Variants in MAP3K1 observed in about 807,000 individuals in gnomAD.
MAP3K1 encodes MAP/ERK kinase kinase 1.
A neutral mutation model predicts 144.2 loss-of-function variants in MAP3K1; 36 were observed. The observed-to-expected ratio is 0.25, with a 90% CI of 0.19 to 0.33. The LOEUF is 0.33. Among genes scored for constraint, MAP3K1 ranks in the 10% least tolerant of loss-of-function variants. The pLI, the probability that MAP3K1 is intolerant of heterozygous loss-of-function variation, is 1.00. For missense variants in MAP3K1, 1,650 were observed against 1,881.9 expected (o/e 0.88, Z 2.28); for synonymous variants, 718 against 688.7 (o/e 1.04, Z -0.67).
rs1000738608 is a variant in MAP3K1 at position 56,894,734 on chromosome 5, A to G, written c.*1054A>G. 4.3e-6 allele frequency: 1 copy of G among 232,300 alleles called. No homozygotes were observed. The highest frequency in any genetic ancestry group is 8.5e-6 in the Non-Finnish European group (1 of 117,578). 14.4% of individuals were successfully genotyped at this position (232,300 alleles called of 1,614,324 possible). ...ATAGAGCTGCCATTTTCCTTTTACCATGCATCATCTCTTTACAGTAGGCCT... is the reference window on the plus strand; with the variant it reads ...ATAGAGCTGCCATTTTCCTTTTACCGTGCATCATCTCTTTACAGTAGGCCT... On this transcript the variant is annotated 3_prime_UTR_variant, in exon 20 of 20. Transcript: ENST00000399503.
At chr5:56,845,578 A>G (rs1746966012) in intron 1 of MAP3K1, among the ~76,000 whole-genome samples, 1 of 150,504 alleles carries the variant, frequency 6.6e-6, no homozygotes, top group Non-Finnish European at 1.5e-5. Context: ...TCCCAGCCCT[A>G]GATTTGTCAA....
intron 1 of MAP3K1, among the ~76,000 whole-genome samples, chr5:56,832,421 T>G (rs974846209): frequency 1.3e-5 from 2 of 152,236 alleles, no homozygotes; most frequent in African/African-American, 4.8e-5. Flanking sequence ...ATGGCAATAA[T>G]AGTTAACTTC....
chr5:56,837,577 C>T (rs569845327), intron 1 of MAP3K1, among the ~76,000 whole-genome samples: 4 of 152,224 alleles, frequency 2.6e-5, no homozygotes, highest in African/African-American at 9.6e-5. Context: ...ATTGCTTCCT[C>T]ACAGCTTCCT....
At chr5:56,820,286 C>T in intron 1 of MAP3K1, 1 of 257,278 alleles carries the variant, frequency 3.9e-6, no homozygotes, top group South Asian at 1.5e-4. Flanking sequence ...TAGAAGACAG[C>T]TAGGATTCAA....
At chr5:56,866,892 T>G (rs1297844791) in intron 6 of MAP3K1, among the ~76,000 whole-genome samples, 1 of 152,180 alleles carries the variant, frequency 6.6e-6, no homozygotes. Flanking sequence ...ACATTGAAGA[T>G]TTTCTAGTTG....
intron 2 of MAP3K1, among the ~76,000 whole-genome samples, chr5:56,857,111 CTT>C (rs1165543961): frequency 7.9e-5 from 12 of 152,100 alleles, no homozygotes; most frequent in Non-Finnish European, 1.3e-4. Flanking sequence ...ATCCAAGGAT[CTT>C]AATTTCAGAA....
chr5:56,856,931 A>AATT (rs1278594191), intron 2 of MAP3K1, among the ~76,000 whole-genome samples, 181 bp downstream of exon 2: 2 of 152,224 alleles, frequency 1.3e-5, no homozygotes, highest in African/African-American at 4.8e-5. Flanking sequence ...AAACAACTTA[A>AATT]ACTATTCTGG....
At chr5:56,850,247 G>C (rs1158671853) in intron 1 of MAP3K1, among the ~76,000 whole-genome samples, 1 of 152,122 alleles carries the variant, frequency 6.6e-6, no homozygotes. Flanking sequence ...TGCTAGGAAG[G>C]CTTCACAGGT....
intron 12 of MAP3K1, 76 bp from the exon 13 acceptor site, chr5:56,881,007 A>G (rs1748187812): frequency 1.5e-6 from 2 of 1,296,234 alleles, no homozygotes; most frequent in African/African-American, 1.5e-5. Flanking sequence ...TTGGCCTTAC[A>G]CCATTTAATC....
At chr5:56,822,761 A>G (rs1255773262) in intron 1 of MAP3K1, among the ~76,000 whole-genome samples, 5 of 152,012 alleles carry the variant, frequency 3.3e-5, no homozygotes, top group African/African-American at 7.2e-5. Flanking sequence ...ACCTGGCTAC[A>G]TGACTTCTGC....
intron 10 of MAP3K1, 114 bp downstream of exon 10, chr5:56,875,424 A>G (rs1747994902): frequency 9.0e-7 from 1 of 1,107,432 alleles, no homozygotes; most frequent in Non-Finnish European, 1.3e-6. Context: ...GGAAAATCCA[A>G]ATTTTATTTT....
At chr5:56,843,598 G>A (rs549453494) in intron 1 of MAP3K1, among the ~76,000 whole-genome samples, 1 of 152,280 alleles carries the variant, frequency 6.6e-6, no homozygotes, top group East Asian at 1.9e-4. Flanking sequence ...GCTTGGCAGA[G>A]AATGAGTGGA....
chr5:56,858,281 A>C (rs962333716), intron 2 of MAP3K1, among the ~76,000 whole-genome samples: 12 of 152,208 alleles, frequency 7.9e-5, no homozygotes, highest in Non-Finnish European at 7.3e-5. Flanking sequence ...ATAAATCACA[A>C]CTTTTTAAAA....
At chr5:56,856,551 T>C (rs1487243788) in intron 1 of MAP3K1, 49 bp from the exon 2 acceptor site, 4 of 1,500,996 alleles carry the variant, frequency 2.7e-6, no homozygotes, top group Non-Finnish European at 3.7e-6. Flanking sequence ...TTGGAAATTA[T>C]TTTTCATATA....
intron 19 of MAP3K1, among the ~76,000 whole-genome samples, chr5:56,891,440 C>T (rs970388658): frequency 2.6e-5 from 4 of 152,024 alleles, no homozygotes; most frequent in Non-Finnish European, 5.9e-5. Context: ...TGATATTAGC[C>T]CTTTGTCAGA....
chr5:56,859,973 CAA>C, intron 3 of MAP3K1, 58 bp downstream of exon 3: 2 of 1,387,914 alleles, frequency 1.4e-6, no homozygotes, highest in Non-Finnish European at 2.0e-6. Context: ...TCATTTATAA[CAA>C]AGAAAAGACT....
At position 56,817,174 on chromosome 5, in the gene MAP3K1, T is replaced by C. The variant is rs1403914775; in HGVS notation, c.482+1119T>C. On this transcript the variant is annotated intron_variant, in intron 1 of 19. Coordinates refer to ENST00000399503, the MANE Select transcript of MAP3K1 (RefSeq NM_005921.2). ...CATTTTTGGCTACTGGAAATTTTTA[T>C]GTTAAAGGAAATTCTTTTAAGTGTG... is the stretch of plus-strand genomic sequence containing the variant. 4.7e-6 allele frequency: 4 copies of C among 852,890 alleles called. No homozygotes were observed. The African/African-American group carries it at 7.3e-5, about 16-fold the overall frequency. 52.8% of individuals were successfully genotyped at this position (852,890 alleles called of 1,614,324 possible).
chr5:56,873,247 A>G (rs990762329), intron 9 of MAP3K1, among the ~76,000 whole-genome samples: 27 of 152,188 alleles, frequency 1.8e-4, no homozygotes, highest in African/African-American at 6.3e-4. Flanking sequence ...TCTCTTCCTG[A>G]ACTAACGGAC....
chr5:56,820,816 G>T, intron 1 of MAP3K1: 1 of 984,922 alleles, frequency 1.0e-6, no homozygotes, highest in South Asian at 4.7e-5. Context: ...TGTTTCTGTC[G>T]GTAGGTTGTA....
Sources: allele counts gnomAD v4.1 joint callset (sites outside exome capture counted in the v4.1 genomes callset), GRCh38; gene constraint gnomAD v4.1.1; transcripts MANE v1.5; gene names NCBI Gene and HGNC (gene_info 2026-07-23, HGNC 2026-07-21).